Variants in ALOXE3 observed in about 807,000 individuals in gnomAD.
ALOXE3 encodes the protein arachidonate epidermal lipoxygenase 3, also known as hydroperoxide isomerase ALOXE3.
In ALOXE3, 78 loss-of-function variants were observed where a neutral mutation model predicts 87.5. That is an observed-to-expected ratio of 0.89 (90% CI 0.74 to 1.08). ALOXE3 has a LOEUF of 1.08. ALOXE3 is among the 50% of genes least tolerant of loss of function. The probability of loss-of-function intolerance (pLI) is 0.00; values close to 1 mark genes in which losing one functional copy is unlikely to be tolerated. For missense variants in ALOXE3, 946 were observed against 912.4 expected (o/e 1.04, Z -0.47); for synonymous variants, 363 against 370.8 (o/e 0.98, Z 0.24).
intron 13 of ALOXE3, 25 bp downstream of exon 13, chr17:8,108,443 G>A (rs780092571): frequency 1.1e-5 from 17 of 1,610,464 alleles, no homozygotes; most frequent in Non-Finnish European, 1.4e-5. Flanking sequence ...AGAGCTACAC[G>A]GAAAGTGGGA....
chr17:8,100,402 C>T (rs1325216811), intron 15 of ALOXE3, among the ~76,000 whole-genome samples: 3 of 152,180 alleles, frequency 2.0e-5, no homozygotes, highest in African/African-American at 7.2e-5. Flanking sequence ...ACTTCCAGCA[C>T]AGCCCAGTCA....
At chr17:8,096,849 G>A (rs1978575502) in intron 15 of ALOXE3, 43 bp from the exon 16 acceptor site, 1 of 1,601,502 alleles carries the variant, frequency 6.2e-7, no homozygotes, top group African/African-American at 1.3e-5. Context: ...CATTCAGATG[G>A]GATGGGGAAT....
rs1350286043 is a variant in ALOXE3 at position 8,112,026 on chromosome 17, A to G, written c.784+67T>C. ...GCTGGGAGAGGGCCCTTTCCCAGGA[A>G]GGAGAGGAAGGGGTCTGAGCATGAG... On this transcript the variant is annotated intron_variant, in intron 7 of 15. Coordinates refer to ENST00000448843, the MANE Select transcript of ALOXE3 (RefSeq NM_021628.3). The G allele has an allele frequency of 3.5e-6, 5 of 1,419,030 alleles. No homozygotes were observed. In the African/African-American group the frequency reaches 4.2e-5, roughly 12 times the overall value. 87.9% of individuals were successfully genotyped at this position (1,419,030 alleles called of 1,614,324 possible).
At position 8,104,333 on chromosome 17, in the gene ALOXE3, G is replaced by A. The variant is rs1457026260; in HGVS notation, c.1685-118C>T. On this transcript the variant is annotated intron_variant, in intron 13 of 15. Transcript: ENST00000448843. The stretch of plus-strand genomic sequence containing the variant: ...GAGGAAGTAGGGAACACCGAGCCAT[G>A]ACTGTCTTGTCGGGCTGGTTAGGGA... The A allele has an allele frequency of 1.2e-5, 9 of 746,180 alleles. No homozygotes were observed. In the East Asian group the frequency reaches 2.0e-4, roughly 16 times the overall value. 46.2% of individuals were successfully genotyped at this position (746,180 alleles called of 1,614,324 possible).
At chr17:8,098,659 G>A (rs886264665) in intron 15 of ALOXE3, among the ~76,000 whole-genome samples, 1 of 152,070 alleles carries the variant, frequency 6.6e-6, no homozygotes, top group Non-Finnish European at 1.5e-5. Context: ...TAATTATATG[G>A]TATGCATCTT....
At chr17:8,111,325 A>G (rs1241825828) in intron 8 of ALOXE3, 34 bp downstream of exon 8, 1 of 1,611,072 alleles carries the variant, frequency 6.2e-7, no homozygotes, top group Non-Finnish European at 8.5e-7. Flanking sequence ...CCCACCTCCC[A>G]CCTATCAGGC....
At position 8,109,204 on chromosome 17, in the gene ALOXE3, T is replaced by C; in HGVS notation, c.1532A>G (p.Asp511Gly). ...LAIPNYHYRDDGLKIWAAIES... is the reference protein window; with the variant it reads ...LAIPNYHYRDGGLKIWAAIES... ...AATGGCCGCCCAGATCTTCAGGCCG[T>C]CGTCTCGGTAGTGGTAGTTGGGGAT... The change falls in exon 12 of 16, where the codon GAC becomes GGC. Residue 511 changes from aspartate to glycine, a missense_variant. Transcript: ENST00000448843. 6.2e-7 allele frequency: 1 copy of C among 1,613,806 alleles called. No individual in the cohort carries two copies. The highest frequency in any genetic ancestry group is 8.5e-7 in the Non-Finnish European group (1 of 1,180,016).
chr17:8,107,921 GA>G (rs1193209928), intron 13 of ALOXE3, among the ~76,000 whole-genome samples: 1 of 5,924 alleles, frequency 1.7e-4, no homozygotes, highest in Admixed American at 1.4e-3. Context: ...AAGAAAGAAA[GA>G]AAGAAAGAAA....
At position 8,116,957 on chromosome 17, in the gene ALOXE3, G is replaced by C. The variant is rs767233461; in HGVS notation, c.171C>G (p.Cys57Trp). Residue 57 changes from cysteine to tryptophan, a missense_variant, in exon 3 of 16, where the codon TGC (cysteine) becomes TGG (tryptophan). Cys to Trp is a radical substitution (Grantham distance 215, BLOSUM62 -2). Transcript: ENST00000448843. ...PGSVQKYKVR[C>W]TAELGELLLL... ...GCAAGAGCTCACCCAGCTCCGCTGT[G>C]CAACGCACCTTGTACTTCTGTACCT... The C allele has an allele frequency of 8.1e-6, 13 of 1,613,962 alleles. No homozygotes were observed. Among genetic ancestry groups the C allele is most frequent in the Non-Finnish European group, 1.0e-5 (12 of 1,179,986 alleles).
At chr17:8,118,886 T>C, upstream of ALOXE3, 5 of 1,492,380 alleles carry the variant, frequency 3.4e-6, no homozygotes, top group South Asian at 2.6e-5. Context: ...GAGAAGCCCA[T>C]AGCCCGCAGC....
chr17:8,109,425 G>A lies in ALOXE3; in HGVS notation c.1393-82C>T. On this transcript the variant is annotated intron_variant, in intron 11 of 15. Transcript: ENST00000448843. Reference sequence around the variant, plus strand: ...GGGCACGAGATGGGGCTGGGGACTCGGCCCAAGGAGGGCCTTCTTCGGTTC... The same window carrying A: ...GGGCACGAGATGGGGCTGGGGACTCAGCCCAAGGAGGGCCTTCTTCGGTTC... The A allele has an allele frequency of 5.2e-6, 8 of 1,552,474 alleles. No individual in the cohort carries two copies. The Admixed American group carries it at 5.5e-5, about 11-fold the overall frequency.
In ALOXE3 at chr17:8,112,285, G is replaced by A. The variant is rs191663074; in HGVS notation, c.681-89C>T. 4.3e-4 allele frequency: 422 copies of A among 982,080 alleles called. 3 individuals are homozygous for A. The East Asian group carries it at 8.9e-3, about 21-fold the overall frequency. The allele number at this position is 982,080 out of a possible 1,614,324, so 60.8% of individuals were successfully genotyped here. The stretch of plus-strand genomic sequence containing the variant: ...TGCCCCTCTGCCTGGAGGAACTGAC[G>A]GGGTCCATCCCCAGAGTAGAGATGC... On this transcript the variant is annotated intron_variant, in intron 6 of 15. Coordinates refer to ENST00000448843, the MANE Select transcript of ALOXE3 (RefSeq NM_021628.3).
At chr17:8,109,664 C>T in intron 11 of ALOXE3, among the ~76,000 whole-genome samples, 1 of 7,088 alleles carries the variant, frequency 1.4e-4, no homozygotes, top group East Asian at 2.7e-3. Context: ...CGTGGCCCGG[C>T]GGGGCTGGGG....
At position 8,112,185 on chromosome 17, in the gene ALOXE3, A is replaced by AT. The variant is rs1441008998; in HGVS notation, c.691dup (p.Met231AsnfsTer18). The AT allele has an allele frequency of 6.2e-7, 1 of 1,614,066 alleles. No homozygotes were observed. On this transcript the variant is annotated frameshift_variant, in exon 7 of 16. Coordinates refer to ENST00000448843, the MANE Select transcript of ALOXE3 (RefSeq NM_021628.3). LOFTEE classifies it high-confidence loss of function. ...GCGATCCAACAGCCCTCGAAGCTTC[A>AT]TTCCCAAGGACCTGATGGGAGAGGA... is the stretch of plus-strand genomic sequence containing the variant.
rs1440807754 is a variant in ALOXE3 at position 8,118,158 on chromosome 17, C to G, written c.-168G>C. 1 of 1,551,450 alleles carries G rather than the reference C, an allele frequency of 6.4e-7. No homozygotes were observed. Among genetic ancestry groups the G allele is most frequent in the Admixed American group, 2.0e-5 (1 of 50,980 alleles). The stretch of plus-strand genomic sequence containing the variant: ...CAGCTCTCTCTGGGATGTTCCTGGG[C>G]TTTCTCTCTCCGAAGCTCCCTGCTG... On this transcript the variant is annotated 5_prime_UTR_variant, in exon 2 of 16. Coordinates refer to ENST00000448843, the MANE Select transcript of ALOXE3 (RefSeq NM_021628.3).
chr17:8,106,222 G>A (rs994193413), intron 13 of ALOXE3, among the ~76,000 whole-genome samples: 1 of 152,156 alleles, frequency 6.6e-6, no homozygotes, highest in Non-Finnish European at 1.5e-5. Context: ...GGAAGACAGA[G>A]AGGGAAACAT....
chr17:8,105,914 C>CA (rs1164518718), intron 13 of ALOXE3, among the ~76,000 whole-genome samples: 7,009 of 43,200 alleles, frequency 0.16, 765 homozygotes, highest in East Asian at 0.39. Flanking sequence ...GACCCCGCCT[C>CA]AAAAAAAAAA....
intron 13 of ALOXE3, among the ~76,000 whole-genome samples, chr17:8,107,870 A>G (rs575558447): frequency 4.3e-3 from 14 of 3,262 alleles, no homozygotes; most frequent in Non-Finnish European, 7.9e-3. Flanking sequence ...AGAAAGAAAG[A>G]AAGAAAGAAA....
At chr17:8,105,934 A>G (rs1004633806) in intron 13 of ALOXE3, among the ~76,000 whole-genome samples, 4 of 151,278 alleles carry the variant, frequency 2.6e-5, no homozygotes, top group African/African-American at 9.7e-5. Context: ...AAAAAAAAAA[A>G]AAAGCCAGAG....
Sources: allele counts gnomAD v4.1 joint callset (sites outside exome capture counted in the v4.1 genomes callset), GRCh38; gene constraint gnomAD v4.1.1; transcripts MANE v1.5; gene names NCBI Gene and HGNC (gene_info 2026-07-23, HGNC 2026-07-21).